The following SMAD7 variants were observed in gnomAD, a reference collection of about 807,000 sequenced individuals.
SMAD7 encodes SMAD family member 7.
In SMAD7, 8 loss-of-function variants were observed where a neutral mutation model predicts 38.7. That is an observed-to-expected ratio of 0.21 (90% confidence interval 0.12 to 0.37). The LOEUF is 0.37. Among genes scored for constraint, SMAD7 ranks in the 10% least tolerant of loss-of-function variants. SMAD7 has a pLI of 1.00. For missense variants in SMAD7, 477 were observed against 577.9 expected, an observed-to-expected ratio of 0.83 and a Z score of 1.79; for synonymous variants, 327 against 265.1, an observed-to-expected ratio of 1.23 and a Z score of -2.27.
intron 3 of SMAD7, among the ~76,000 whole-genome samples, chr18:48,925,432 G>GCC (rs67121063): frequency 0.033 from 3,847 of 118,058 alleles, 109 homozygotes; most frequent in African/African-American, 0.072. Context: ...TTAAGGTGTT[G>GCC]CCCCCCCCCA....
At position 48,934,381 on chromosome 18, in the gene SMAD7, T is replaced by C. The variant is rs190511514; in HGVS notation, c.742+8100A>G. On this transcript the variant is annotated intron_variant, in intron 3 of 3. Transcript: ENST00000262158. ...CCGGCGGCTAAGTGCCAGGTGCCTC[T>C]GTTAGGGGAAGGCAGTACCGGGGGT... is the stretch of plus-strand genomic sequence containing the variant. Among the ~76,000 whole-genome samples the C allele has an allele frequency of 1.1e-4, 16 of 152,068 alleles. No homozygotes were observed. In the East Asian group the frequency reaches 1.7e-3, roughly 17 times the overall value.
In SMAD7 at chr18:48,920,563, T is replaced by TG. The variant is rs1448641490; in HGVS notation, c.*808dup. The TG allele has an allele frequency of 6.6e-6, 1 of 152,434 alleles. No homozygotes were observed. Among genetic ancestry groups the TG allele is most frequent in the African/African-American group, 2.4e-5 (1 of 41,404 alleles). 9.4% of individuals were successfully genotyped at this position (152,434 alleles called of 1,614,324 possible). On this transcript the variant is annotated 3_prime_UTR_variant, in exon 4 of 4. Transcript: ENST00000262158. Reference sequence around the variant, plus strand: ...GGGAGAGGCTGAGGGGAGAGGGCACTGGGTGAGCAATACTGTGAGGGGGCT... The same window carrying TG: ...GGGAGAGGCTGAGGGGAGAGGGCACTGGGGTGAGCAATACTGTGAGGGGGCT...
At chr18:48,930,431 C>A (rs913524507) in intron 3 of SMAD7, among the ~76,000 whole-genome samples, 1 of 152,136 alleles carries the variant, frequency 6.6e-6, no homozygotes, top group African/African-American at 2.4e-5. Flanking sequence ...TGAAAGGGTC[C>A]CCCACCCAGA....
chr18:48,928,074 G>T (rs1449749513), intron 3 of SMAD7, among the ~76,000 whole-genome samples: 2 of 152,200 alleles, frequency 1.3e-5, no homozygotes, highest in African/African-American at 4.8e-5. Context: ...TTAGAGCTGC[G>T]CATGGGGTGC....
In SMAD7 at chr18:48,921,369, C is replaced by A; in HGVS notation, c.*3G>T. On this transcript the variant is annotated 3_prime_UTR_variant, in exon 4 of 4. Coordinates refer to ENST00000262158, the MANE Select transcript of SMAD7 (RefSeq NM_005904.4). The surrounding 1 kb of genome is among the most constrained non-coding windows in gnomAD (Gnocchi z 6.4). ...GCTCACGCTCTGTCCCCTCCGCACG[C>A]GGCTACCGGCTGTTGAAGATGACCT... 3 of 1,606,950 alleles carry A rather than the reference C, an allele frequency of 1.9e-6. No homozygotes were observed. In the East Asian group the frequency reaches 6.7e-5, roughly 36 times the overall value.
chr18:48,943,101 C>T (rs928077087), intron 2 of SMAD7, among the ~76,000 whole-genome samples: 3 of 152,174 alleles, frequency 2.0e-5, no homozygotes, highest in Admixed American at 6.5e-5. Context: ...CCCAAGTAGA[C>T]GCAATGAATG....
At chr18:48,938,415 G>A (rs1011314675) in intron 3 of SMAD7, among the ~76,000 whole-genome samples, 2 of 152,186 alleles carry the variant, frequency 1.3e-5, no homozygotes, top group African/African-American at 2.4e-5. Context: ...CCCAGGACAC[G>A]TGAGCACTTC....
intron 3 of SMAD7, among the ~76,000 whole-genome samples, chr18:48,934,888 T>G (rs1189252217): frequency 6.6e-6 from 1 of 152,190 alleles, no homozygotes; most frequent in Non-Finnish European, 1.5e-5. Context: ...ATTTCCTGTC[T>G]TGTCCCAATA....
At chr18:48,923,722 A>C (rs2069891891) in intron 3 of SMAD7, among the ~76,000 whole-genome samples, 2 of 152,050 alleles carry the variant, frequency 1.3e-5, no homozygotes, top group Admixed American at 6.5e-5. Flanking sequence ...CAACACCAGA[A>C]AACTGGCCGG....
rs764363126 is a variant in SMAD7 at position 48,921,790 on chromosome 18, T to C, written c.863A>G (p.Tyr288Cys). The change falls in exon 4 of 4, where the codon TAT (tyrosine) becomes TGT (cysteine). Residue 288 changes from tyrosine to cysteine, a missense_variant. Tyr to Cys is a radical substitution (Grantham distance 194, BLOSUM62 -2). Around this residue, in one of 2 missense-constraint regions of SMAD7, gnomAD observed 101 missense variants for 198.5 expected, o/e 0.51. Coordinates refer to ENST00000262158, the MANE Select transcript of SMAD7 (RefSeq NM_005904.4). The surrounding 1 kb of genome is among the most constrained non-coding windows in gnomAD (Gnocchi z 6.4). ...AAAGCCATTCCCCTGAGGTAGATCA[T>C]AGAAGATATCCAGAGAGGGCTCCTG... is the stretch of plus-strand genomic sequence containing the variant. The part of the protein sequence containing the change: ...CVQEPSLDIF[Y>C]DLPQGNGFCL... 3 of 1,614,174 alleles carry C rather than the reference T, an allele frequency of 1.9e-6. No homozygotes were observed. Among genetic ancestry groups the C allele is most frequent in the Non-Finnish European group, 2.5e-6 (3 of 1,180,038 alleles).
intron 2 of SMAD7, among the ~76,000 whole-genome samples, chr18:48,944,558 T>C (rs2070176046): frequency 6.6e-6 from 1 of 152,186 alleles, no homozygotes; most frequent in Admixed American, 6.5e-5. Flanking sequence ...AACTGAGGCG[T>C]CACTGACTAG....
At chr18:48,927,143 G>A (rs1443325474) in intron 3 of SMAD7, among the ~76,000 whole-genome samples, 3 of 152,124 alleles carry the variant, frequency 2.0e-5, no homozygotes, top group Non-Finnish European at 4.4e-5. Flanking sequence ...ACAATGCTGG[G>A]GTTTAGAGTG....
At chr18:48,934,000 C>T (rs182498721) in intron 3 of SMAD7, among the ~76,000 whole-genome samples, 8 of 152,336 alleles carry the variant, frequency 5.3e-5, no homozygotes, top group South Asian at 2.1e-4. Flanking sequence ...GTCCTAAAGA[C>T]GGCTCCTTGG....
In SMAD7 at chr18:48,950,006, G is replaced by A. The variant is rs757770523; in HGVS notation, c.419C>T (p.Ala140Val). The change falls in exon 1 of 4, where the codon GCG (alanine) becomes GTG (valine). Residue 140 changes from alanine to valine, a missense_variant. Physicochemically the swap from Ala to Val is moderately conservative, Grantham distance 64. Coordinates refer to ENST00000262158, the MANE Select transcript of SMAD7 (RefSeq NM_005904.4). The stretch of plus-strand genomic sequence containing the variant: ...CTGCGCAGGCTGCGCGCCGGCGGGC[G>A]CCCCCGGGCCCAGCCTGCAGTCCAG... ...GRLDCRLGPG[A>V]PAGAQPAQPP... 1.3e-6 allele frequency: 2 copies of A among 1,576,370 alleles called. No homozygotes were observed. The highest frequency in any genetic ancestry group is 1.4e-5 in the African/African-American group (1 of 72,144).
rs2069868098 is a variant in SMAD7, at chr18:48,921,973, A to G, written c.743-63T>C. 1.5e-6 allele frequency: 2 copies of G among 1,301,004 alleles called. No homozygotes were observed. Among genetic ancestry groups the G allele is most frequent in the African/African-American group, 2.9e-5 (2 of 68,046 alleles). 80.6% of individuals were successfully genotyped at this position (1,301,004 alleles called of 1,614,324 possible). On this transcript the variant is annotated intron_variant, in intron 3 of 3. Coordinates refer to ENST00000262158, the MANE Select transcript of SMAD7 (RefSeq NM_005904.4). This position sits in a 1 kb window ranked among gnomAD's most constrained non-coding sequence, Gnocchi z 6.4. ...GGCATTGGTGACTCCTAGAATGAAG[A>G]CACCCGCCCCCCCACTGCACCCAGT...
chr18:48,929,536 ATCTCTTTC>A (rs2069967282), intron 3 of SMAD7, among the ~76,000 whole-genome samples: 1 of 105,590 alleles, frequency 9.5e-6, no homozygotes, highest in African/African-American at 3.8e-5. Context: ...CTCTCTCTCA[ATCTCTTTC>A]TCTCTTTCTC....
At chr18:48,945,539 C>A (rs1241593210) in intron 2 of SMAD7, among the ~76,000 whole-genome samples, 2 of 152,148 alleles carry the variant, frequency 1.3e-5, no homozygotes, top group Admixed American at 6.5e-5. Context: ...AAATGAATGA[C>A]TGAACCAATG....
In SMAD7 at chr18:48,948,739, G is replaced by A. The variant is rs970659185; in HGVS notation, c.614-302C>T. Among the ~76,000 whole-genome samples the A allele has an allele frequency of 1.2e-3, 186 of 152,340 alleles. 1 individual carries two copies. Among genetic ancestry groups the A allele is most frequent in the Non-Finnish European group, 1.6e-3 (108 of 68,024 alleles). On this transcript the variant is annotated intron_variant, in intron 1 of 3. Coordinates refer to ENST00000262158, the MANE Select transcript of SMAD7 (RefSeq NM_005904.4). ...CACTTCACAGTTCACAGGGCGGGGG[G>A]CGACCATGCCCCCTCCCCGTCCTCG...
intron 3 of SMAD7, among the ~76,000 whole-genome samples, chr18:48,933,174 A>G (rs149050424): frequency 2.4e-3 from 365 of 152,290 alleles, no homozygotes; most frequent in African/African-American, 8.1e-3. Context: ...AATTCTCAAC[A>G]GACCACACAA....
Sources: allele counts gnomAD v4.1 joint callset (sites outside exome capture counted in the v4.1 genomes callset), GRCh38; gene constraint gnomAD v4.1.1; regional missense constraint gnomAD v4.1.1; non-coding constraint Gnocchi (gnomAD v3.1); transcripts MANE v1.5; gene names NCBI Gene and HGNC (gene_info 2026-07-23, HGNC 2026-07-21).